Variants in ERC2 observed in about 807,000 individuals in gnomAD.
ERC2 encodes the protein ERC protein 2.
Under a neutral mutation model 114.8 loss-of-function variants are expected in ERC2, and 42 were observed. The observed-to-expected ratio is 0.37, with a 90% confidence interval of 0.29 to 0.47. The LOEUF (loss-of-function observed/expected upper bound fraction) is 0.47, where lower values mean the gene tolerates loss of function less well. Among genes scored for constraint, ERC2 ranks in the 20% least tolerant of loss-of-function variants. ERC2 has a pLI of 0.99. For synonymous variants in ERC2, 454 were observed against 425.5 expected (o/e 1.07, Z -0.82); for missense variants, 939 against 1,150.7 (o/e 0.82, Z 2.66).
intron 17 of ERC2, among the ~76,000 whole-genome samples, chr3:55,643,501 T>C (rs1467849774): frequency 6.6e-6 from 1 of 152,222 alleles, no homozygotes; most frequent in Non-Finnish European, 1.5e-5. Flanking sequence ...AAAATTTGCA[T>C]GCAAATTCCT....
At chr3:55,680,411 T>C (rs762323423) in intron 17 of ERC2, among the ~76,000 whole-genome samples, 4 of 152,212 alleles carry the variant, frequency 2.6e-5, no homozygotes, top group Non-Finnish European at 5.9e-5. Flanking sequence ...CTCATTGATG[T>C]TCGCAAACCC....
chr3:55,604,415 GA>G (rs2058553134), intron 17 of ERC2, among the ~76,000 whole-genome samples: 1 of 151,996 alleles, frequency 6.6e-6, no homozygotes, highest in Non-Finnish European at 1.5e-5. Context: ...TTTATAATGT[GA>G]AAAAAATACT....
chr3:56,229,401 G>T (rs1560421610), intron 3 of ERC2, among the ~76,000 whole-genome samples: 1 of 152,064 alleles, frequency 6.6e-6, no homozygotes, highest in Non-Finnish European at 1.5e-5. Context: ...ACAGATAAAG[G>T]CAGTTTCAGA....
At chr3:56,207,173 A>G (rs1370884930) in intron 3 of ERC2, among the ~76,000 whole-genome samples, 1 of 151,478 alleles carries the variant, frequency 6.6e-6, no homozygotes, top group East Asian at 2.0e-4. Context: ...AGACTCTAAT[A>G]TGTTTGCTGT....
At chr3:56,038,874 G>A (rs1039547736) in intron 7 of ERC2, among the ~76,000 whole-genome samples, 20 of 152,240 alleles carry the variant, frequency 1.3e-4, no homozygotes, top group East Asian at 5.8e-4. Flanking sequence ...ATAAGTTGGT[G>A]CTGAACAATG....
At chr3:56,163,026 A>T (rs948282947) in intron 4 of ERC2, among the ~76,000 whole-genome samples, 4 of 151,996 alleles carry the variant, frequency 2.6e-5, no homozygotes, top group African/African-American at 9.7e-5. Context: ...TCCTCTTAAC[A>T]CTGCTTTTGC....
chr3:55,742,015 C>A (rs2065989534), intron 14 of ERC2, among the ~76,000 whole-genome samples: 1 of 151,922 alleles, frequency 6.6e-6, no homozygotes, highest in African/African-American at 2.4e-5. Flanking sequence ...CATTTAATAA[C>A]CCTAAACTGT....
chr3:56,083,618 G>C (rs2077353095), intron 6 of ERC2, among the ~76,000 whole-genome samples: 1 of 152,142 alleles, frequency 6.6e-6, no homozygotes, highest in Non-Finnish European at 1.5e-5. Flanking sequence ...TTACAACAAT[G>C]TCTTTCATGA....
chr3:55,521,162 G>A (rs896086967), intron 17 of ERC2, among the ~76,000 whole-genome samples: 11 of 152,192 alleles, frequency 7.2e-5, no homozygotes, highest in Non-Finnish European at 1.2e-4. Flanking sequence ...TAGGGGTCTC[G>A]TTTGAAGATC....
chr3:56,447,986 A>G (rs1299016644), intron 1 of ERC2, among the ~76,000 whole-genome samples: 2 of 151,846 alleles, frequency 1.3e-5, no homozygotes, highest in South Asian at 2.1e-4. Context: ...CAAGTGATCC[A>G]CCCGCCTCGG....
chr3:56,017,611 AC>A (rs2073395283), intron 8 of ERC2, among the ~76,000 whole-genome samples: 1 of 151,648 alleles, frequency 6.6e-6, no homozygotes, highest in Non-Finnish European at 1.5e-5. Flanking sequence ...CTCACCACTC[AC>A]TTTCTTCAAG....
intron 7 of ERC2, among the ~76,000 whole-genome samples, chr3:56,041,406 G>C (rs2075183798): frequency 6.6e-6 from 1 of 152,108 alleles, no homozygotes; most frequent in African/African-American, 2.4e-5. Context: ...TGATGAAGCT[G>C]CTGTAGGCAT....
At chr3:56,466,685 A>G (rs2063557347) in intron 1 of ERC2, among the ~76,000 whole-genome samples, 1 of 152,194 alleles carries the variant, frequency 6.6e-6, no homozygotes, top group South Asian at 2.1e-4. Context: ...CAGAACTAAA[A>G]GAATCCCTTC....
chr3:55,989,125 G>T (rs2070860520), intron 11 of ERC2, among the ~76,000 whole-genome samples: 1 of 152,214 alleles, frequency 6.6e-6, no homozygotes, highest in East Asian at 1.9e-4. Context: ...TACTGGGACA[G>T]ACTCAGGTCC....
At chr3:56,328,525 G>C (rs950736062) in intron 2 of ERC2, among the ~76,000 whole-genome samples, 3 of 152,154 alleles carry the variant, frequency 2.0e-5, no homozygotes. Flanking sequence ...AGGTACAAAC[G>C]GGTATTTTTA....
chr3:55,762,449 A>G (rs1234962662), intron 14 of ERC2, among the ~76,000 whole-genome samples: 1 of 152,228 alleles, frequency 6.6e-6, no homozygotes, highest in East Asian at 1.9e-4. Flanking sequence ...GTGTTCCAAT[A>G]TCATACCACA....
intron 1 of ERC2, among the ~76,000 whole-genome samples, chr3:56,466,381 A>G (rs2063545497): frequency 1.3e-5 from 2 of 152,216 alleles, no homozygotes; most frequent in Non-Finnish European, 2.9e-5. Flanking sequence ...TTGAAAAATC[A>G]GGCTTTCACT....
chr3:56,423,023 C>T (rs1240125078), intron 2 of ERC2, among the ~76,000 whole-genome samples: 1 of 152,126 alleles, frequency 6.6e-6, no homozygotes, highest in African/African-American at 2.4e-5. Context: ...ATGAGTTGTC[C>T]ATTTCCTTAC....
chr3:55,816,024 C>T (rs530136061), intron 14 of ERC2, among the ~76,000 whole-genome samples: 2 of 152,218 alleles, frequency 1.3e-5, no homozygotes, highest in Non-Finnish European at 2.9e-5. Flanking sequence ...GGACTGCTCC[C>T]AGGGACTTTA....
Sources: gnomAD v4.1 joint callset for allele counts (sites outside exome capture counted in the v4.1 genomes callset) on GRCh38, gnomAD v4.1.1 for gene constraint, MANE v1.5 for transcripts, NCBI Gene and HGNC (gene_info 2026-07-23, HGNC 2026-07-21) for gene names.